ADAMTSL1: variants seen among roughly 807,000 people sequenced by gnomAD.
The protein encoded by ADAMTSL1 is ADAMTS-like protein 1.
ADAMTSL1 carries 126 observed loss-of-function variants against 201.8 expected under a neutral mutation model. The observed-to-expected ratio is 0.62, with a 90% confidence interval of 0.54 to 0.72. The LOEUF is 0.72. ADAMTSL1 is among the 30% of genes least tolerant of loss of function. The probability of loss-of-function intolerance (pLI) is 0.00; values close to 1 mark genes in which losing one functional copy is unlikely to be tolerated. For missense variants in ADAMTSL1, 2,679 were observed against 2,277.8 expected (o/e 1.18, Z -3.59); for synonymous variants, 1,121 against 903.4 (o/e 1.24, Z -4.32).
chr9:18,773,518 A>C (rs775621372), intron 17 of ADAMTSL1, among the ~76,000 whole-genome samples: 2 of 152,204 alleles, frequency 1.3e-5, no homozygotes, highest in Non-Finnish European at 2.9e-5. Flanking sequence ...AAATGTTACT[A>C]TGAAGCCAAT....
chr9:18,370,764 G>C (rs538171037), intron 2 of ADAMTSL1, among the ~76,000 whole-genome samples: 1 of 151,022 alleles, frequency 6.6e-6, no homozygotes, highest in Non-Finnish European at 1.5e-5. Context: ...TTATGAGCCA[G>C]GCACAACTTT....
At chr9:18,236,231 C>T (rs368724544) in intron 2 of ADAMTSL1, among the ~76,000 whole-genome samples, 9 of 152,056 alleles carry the variant, frequency 5.9e-5, no homozygotes, top group South Asian at 2.1e-4. Flanking sequence ...CCACCACGCC[C>T]GACTAATTTT....
intron 1 of ADAMTSL1, among the ~76,000 whole-genome samples, chr9:18,126,233 A>G (rs1418244713): frequency 6.6e-6 from 1 of 152,260 alleles, no homozygotes; most frequent in Non-Finnish European, 1.5e-5. Context: ...AATTGTAAGT[A>G]TAGTGAATCA....
chr9:17,982,606 C>T (rs918570973), intron 1 of ADAMTSL1, among the ~76,000 whole-genome samples: 6 of 151,556 alleles, frequency 4.0e-5, no homozygotes, highest in Admixed American at 2.6e-4. Context: ...AGCAAGACTC[C>T]GTCTCAGGGA....
intron 2 of ADAMTSL1, among the ~76,000 whole-genome samples, chr9:18,275,234 A>G (rs142545220): frequency 6.6e-6 from 1 of 152,184 alleles, no homozygotes. Flanking sequence ...TGAGGGTGAG[A>G]GAGAGCTTAT....
At chr9:18,446,996 C>G (rs577644418) in intron 2 of ADAMTSL1, among the ~76,000 whole-genome samples, 1 of 149,284 alleles carries the variant, frequency 6.7e-6, no homozygotes, top group Admixed American at 6.6e-5. Context: ...CAAAACTTTC[C>G]TTGTGCTGGA....
At chr9:18,488,967 C>T (rs374251127) in intron 1 of ADAMTSL1, among the ~76,000 whole-genome samples, 1 of 152,200 alleles carries the variant, frequency 6.6e-6, no homozygotes, top group Non-Finnish European at 1.5e-5. Context: ...AGTGAATTCA[C>T]TCATAAATGC....
At chr9:18,501,324 A>T (rs1822828848) in intron 1 of ADAMTSL1, among the ~76,000 whole-genome samples, 1 of 152,118 alleles carries the variant, frequency 6.6e-6, no homozygotes, top group Non-Finnish European at 1.5e-5. Context: ...CAGCTTGGGC[A>T]ACATAGCGAA....
intron 19 of ADAMTSL1, among the ~76,000 whole-genome samples, chr9:18,794,505 C>T (rs1822252639): frequency 6.6e-6 from 1 of 151,984 alleles, no homozygotes. Flanking sequence ...TATATGACTA[C>T]ACAGCGGCTG....
intron 2 of ADAMTSL1, among the ~76,000 whole-genome samples, chr9:18,335,247 G>C (rs1835185441): frequency 6.6e-6 from 1 of 152,052 alleles, no homozygotes; most frequent in African/African-American, 2.4e-5. Flanking sequence ...TAAAGTTATT[G>C]GGTTAAGACA....
At chr9:17,912,910 C>A (rs1825944052) in intron 1 of ADAMTSL1, among the ~76,000 whole-genome samples, 1 of 152,028 alleles carries the variant, frequency 6.6e-6, no homozygotes, top group Non-Finnish European at 1.5e-5. Flanking sequence ...ATATGGCTAG[C>A]CAGTTTTCCC....
chr9:18,248,580 A>G (rs1379137217), intron 2 of ADAMTSL1, among the ~76,000 whole-genome samples: 3 of 152,238 alleles, frequency 2.0e-5, no homozygotes, highest in African/African-American at 4.8e-5. Context: ...AACCAAAGCA[A>G]TGGAAAGAAA....
intron 1 of ADAMTSL1, among the ~76,000 whole-genome samples, chr9:18,095,204 C>T (rs10963445): frequency 0.038 from 5,760 of 152,194 alleles, 390 homozygotes; most frequent in East Asian, 0.35. Context: ...TACACACATG[C>T]TCTGATGAAA....
chr9:18,446,955 T>A (rs563935630), intron 2 of ADAMTSL1, among the ~76,000 whole-genome samples: 1 of 149,746 alleles, frequency 6.7e-6, no homozygotes, highest in African/African-American at 2.6e-5. Context: ...CTTTAAAATT[T>A]CAAATTAACA....
chr9:18,205,442 G>A (rs1829609146), intron 2 of ADAMTSL1, among the ~76,000 whole-genome samples: 1 of 151,868 alleles, frequency 6.6e-6, no homozygotes, highest in Non-Finnish European at 1.5e-5. Flanking sequence ...ATACAGTAAT[G>A]GATTTATGTT....
rs577789581 is a variant in ADAMTSL1 at position 17,942,729 on chromosome 9, C to G, written c.87+35807C>G. ...AGCAGCCACTGGAAGCCACTCACAT[C>G]TGTGCTGGCACCACTCCAAGGTCTA... On this transcript the variant is annotated intron_variant, in intron 1 of 29. Coordinates refer to the ADAMTSL1 transcript ENST00000680146. 8.9e-4 allele frequency among the ~76,000 whole-genome samples: 135 copies of G among 152,304 alleles called. 2 individuals carry two copies. The Middle Eastern group carries it at 0.02, about 23-fold the overall frequency.
At chr9:17,984,100 GT>G (rs1818827778) in intron 1 of ADAMTSL1, among the ~76,000 whole-genome samples, 1 of 152,088 alleles carries the variant, frequency 6.6e-6, no homozygotes, top group African/African-American at 2.4e-5. Context: ...GGATTTTTGT[GT>G]GTGTGTTTAA....
At chr9:18,338,436 C>A (rs1250791000) in intron 2 of ADAMTSL1, among the ~76,000 whole-genome samples, 2 of 151,406 alleles carry the variant, frequency 1.3e-5, no homozygotes, top group African/African-American at 4.8e-5. Flanking sequence ...ACTGATTATC[C>A]CCTTTTCTGT....
At chr9:18,042,751 TCTA>T (rs1405378416) in intron 1 of ADAMTSL1, among the ~76,000 whole-genome samples, 2 of 152,180 alleles carry the variant, frequency 1.3e-5, no homozygotes, top group African/African-American at 4.8e-5. Flanking sequence ...AGTTATAACT[TCTA>T]CTCTGTAGTC....
Sources: gnomAD v4.1 joint callset for allele counts (sites outside exome capture counted in the v4.1 genomes callset) on GRCh38, gnomAD v4.1.1 for gene constraint, MANE v1.5 for transcripts, NCBI Gene and HGNC (gene_info 2026-07-23, HGNC 2026-07-21) for gene names.